TMEM108: variants seen among roughly 807,000 people sequenced by gnomAD.
The protein encoded by TMEM108 is transmembrane protein 108.
In TMEM108, 12 loss-of-function variants were observed where a neutral mutation model predicts 35.1. The observed-to-expected ratio is 0.34, with a 90% CI of 0.22 to 0.55. The LOEUF (loss-of-function observed/expected upper bound fraction) is 0.55. TMEM108 is among the 20% of genes least tolerant of loss of function. The pLI is 0.89. For synonymous variants in TMEM108, 287 were observed against 308.6 expected (o/e 0.93, Z 0.73); for missense variants, 680 against 753.3 (o/e 0.90, Z 1.14).
At chr3:133,238,405 A>G (rs1304313102) in intron 3 of TMEM108, among the ~76,000 whole-genome samples, 1 of 152,232 alleles carries the variant, frequency 6.6e-6, no homozygotes, top group Non-Finnish European at 1.5e-5. Context: ...CTGTTATTTT[A>G]TGAACCACTA....
chr3:133,208,882 C>T (rs1467796086), intron 2 of TMEM108, among the ~76,000 whole-genome samples: 1 of 152,176 alleles, frequency 6.6e-6, no homozygotes. Context: ...CCTTGTCTTC[C>T]TACTCTAGAA....
chr3:133,309,705 T>G (rs9830002), intron 3 of TMEM108, among the ~76,000 whole-genome samples: 1 of 85,832 alleles, frequency 1.2e-5, no homozygotes, highest in Admixed American at 1.4e-4. Flanking sequence ...TTTTTTTTTT[T>G]TTTTTTTTTT....
At chr3:133,374,569 C>T (rs958908910) in intron 3 of TMEM108, among the ~76,000 whole-genome samples, 9 of 149,996 alleles carry the variant, frequency 6.0e-5, no homozygotes, top group Non-Finnish European at 1.0e-4. Context: ...TATATACACA[C>T]ACACACATAT....
intron 2 of TMEM108, among the ~76,000 whole-genome samples, chr3:133,134,583 CTTG>C (rs1236220361): frequency 6.6e-6 from 1 of 151,758 alleles, no homozygotes; most frequent in Non-Finnish European, 1.5e-5. Flanking sequence ...CTTGCTGTCT[CTTG>C]TTTTTTTTTA....
At chr3:133,271,711 A>G (rs1187211002) in intron 3 of TMEM108, among the ~76,000 whole-genome samples, 1 of 152,132 alleles carries the variant, frequency 6.6e-6, no homozygotes, top group Admixed American at 6.5e-5. Context: ...AGAGGAGACA[A>G]AGCTTGGAGC....
At chr3:133,355,504 T>C (rs2072136441) in intron 3 of TMEM108, among the ~76,000 whole-genome samples, 2 of 152,140 alleles carry the variant, frequency 1.3e-5, no homozygotes, top group Admixed American at 1.3e-4. Flanking sequence ...TTCACAAAGA[T>C]TTACTGTGAT....
At chr3:133,102,575 G>A (rs1944101881) in intron 2 of TMEM108, among the ~76,000 whole-genome samples, 1 of 152,180 alleles carries the variant, frequency 6.6e-6, no homozygotes, top group Non-Finnish European at 1.5e-5. Flanking sequence ...CCAGTGAGAC[G>A]AGGGGCCTTG....
intron 2 of TMEM108, among the ~76,000 whole-genome samples, chr3:133,095,686 A>G (rs774526160): frequency 6.6e-6 from 1 of 152,006 alleles, no homozygotes; most frequent in African/African-American, 2.4e-5. Flanking sequence ...ACAATTCACA[A>G]TAGGGTTTGT....
intron 2 of TMEM108, among the ~76,000 whole-genome samples, chr3:133,134,946 C>G (rs1179269993): frequency 6.6e-6 from 1 of 152,048 alleles, no homozygotes; most frequent in Non-Finnish European, 1.5e-5. Flanking sequence ...AGTAGCTGCT[C>G]CTGCTATTTT....
intron 2 of TMEM108, among the ~76,000 whole-genome samples, chr3:133,138,929 C>T (rs996075239): frequency 6.6e-6 from 1 of 151,920 alleles, no homozygotes; most frequent in Non-Finnish European, 1.5e-5. Flanking sequence ...TCCCCACCCC[C>T]CAACAGGCCC....
intron 2 of TMEM108, among the ~76,000 whole-genome samples, chr3:133,082,465 A>G (rs528304010): frequency 2.2e-4 from 33 of 152,320 alleles, no homozygotes; most frequent in African/African-American, 7.2e-4. Context: ...TCATTCAATA[A>G]TAACAACCAT....
intron 2 of TMEM108, among the ~76,000 whole-genome samples, chr3:133,203,721 G>A (rs1463518318): frequency 5.9e-5 from 9 of 151,938 alleles, no homozygotes; most frequent in East Asian, 1.9e-4. Context: ...GGATTTTCGC[G>A]TTGACCTTCA....
At chr3:133,394,677 C>A (rs1410486693) in intron 5 of TMEM108, among the ~76,000 whole-genome samples, 4 of 152,182 alleles carry the variant, frequency 2.6e-5, no homozygotes, top group African/African-American at 7.2e-5. Context: ...TGAAGTGCTC[C>A]ACTATTTTCC....
chr3:133,322,486 G>A (rs1005741640), intron 3 of TMEM108, among the ~76,000 whole-genome samples: 2 of 152,056 alleles, frequency 1.3e-5, no homozygotes, highest in East Asian at 3.9e-4. Flanking sequence ...GAAGCAGAAA[G>A]TCTGAACGGA....
intron 2 of TMEM108, among the ~76,000 whole-genome samples, chr3:133,099,341 T>C (rs1944057149): frequency 6.6e-6 from 1 of 152,150 alleles, no homozygotes; most frequent in South Asian, 2.1e-4. Context: ...AACCACTTTT[T>C]CCTCCTGGGC....
At chr3:133,345,143 A>G (rs2071777363) in intron 3 of TMEM108, among the ~76,000 whole-genome samples, 1 of 151,798 alleles carries the variant, frequency 6.6e-6, no homozygotes, top group African/African-American at 2.4e-5. Context: ...TGCACACCCA[A>G]CAAACTTACA....
chr3:133,234,515 A>G (rs1946204092), intron 3 of TMEM108, among the ~76,000 whole-genome samples: 4 of 152,212 alleles, frequency 2.6e-5, no homozygotes, highest in African/African-American at 9.6e-5. Flanking sequence ...GATTATCTCA[A>G]TAGATACAGA....
intron 3 of TMEM108, among the ~76,000 whole-genome samples, chr3:133,293,875 G>A (rs771454752): frequency 2.0e-4 from 30 of 152,100 alleles, no homozygotes; most frequent in Non-Finnish European, 2.5e-4. Context: ...GAGTTAAGAG[G>A]TTGTCAACTT....
intron 3 of TMEM108, among the ~76,000 whole-genome samples, chr3:133,242,785 G>A (rs917348603): frequency 1.3e-5 from 2 of 152,148 alleles, no homozygotes; most frequent in African/African-American, 4.8e-5. Context: ...TGCTTTGAGA[G>A]AACAGTGTAA....
Sources: gnomAD v4.1 joint callset for allele counts (sites outside exome capture counted in the v4.1 genomes callset) on GRCh38, gnomAD v4.1.1 for gene constraint, MANE v1.5 for transcripts, NCBI Gene and HGNC (gene_info 2026-07-23, HGNC 2026-07-21) for gene names.